The following MMS22L variants were observed in gnomAD, a reference collection of about 807,000 sequenced individuals.
MMS22L encodes protein MMS22-like.
Under a neutral mutation model 159.1 loss-of-function variants are expected in MMS22L, and 74 were observed. That is an observed-to-expected ratio of 0.47 (90% CI 0.39 to 0.56). MMS22L has a LOEUF of 0.56. Among genes scored for constraint, MMS22L ranks in the 20% least tolerant of loss-of-function variants. The pLI, the probability that MMS22L is intolerant of heterozygous loss-of-function variation, is 0.00. For synonymous variants in MMS22L, 517 were observed against 506.9 expected (o/e 1.02, Z -0.27); for missense variants, 1,351 against 1,422.1 (o/e 0.95, Z 0.80).
intron 11 of MMS22L, among the ~76,000 whole-genome samples, chr6:97,235,037 G>GTAA (rs1221727621): frequency 1.3e-5 from 2 of 152,180 alleles, no homozygotes; most frequent in Non-Finnish European, 2.9e-5. Flanking sequence ...CTGGAAAAGA[G>GTAA]TAAGCACAGA....
At chr6:97,169,123 A>C (rs1803267568) in intron 19 of MMS22L, among the ~76,000 whole-genome samples, 1 of 152,042 alleles carries the variant, frequency 6.6e-6, no homozygotes, top group Non-Finnish European at 1.5e-5. Flanking sequence ...CAGTTTTTAC[A>C]CCTTTCCATT....
Position 97,178,562 on chromosome 6 carries a change from C to A in MMS22L, c.2560G>T (p.Val854Phe). The change falls in exon 18 of 25, where the codon GTC becomes TTC. Residue 854 changes from valine to phenylalanine, a missense_variant. Transcript: ENST00000683635. ...AVEKEYMKQL[V>F]KLTRLLFNLS... ...TTAAATAGTAATCTTGTCAGTTTGA[C>A]CAACTGTTTCATGTACTCTTTTTCT... 1.3e-6 allele frequency: 2 copies of A among 1,542,370 alleles called. No individual in the cohort carries two copies. The highest frequency in any genetic ancestry group is 1.2e-5 in the South Asian group (1 of 83,272).
intron 22 of MMS22L, among the ~76,000 whole-genome samples, chr6:97,155,412 CA>C (rs765489093): frequency 1.8e-4 from 28 of 152,250 alleles, no homozygotes; most frequent in South Asian, 1.0e-3. Context: ...TTGCTGCACC[CA>C]TTAACTTGTC....
chr6:97,227,857 T>C (rs1017989576), intron 14 of MMS22L, among the ~76,000 whole-genome samples: 2 of 152,214 alleles, frequency 1.3e-5, no homozygotes, highest in Non-Finnish European at 2.9e-5. Flanking sequence ...GAAAAGTGCC[T>C]AAAGGCAATA....
chr6:97,150,808 T>C (rs1388685289), intron 23 of MMS22L, among the ~76,000 whole-genome samples: 2 of 152,040 alleles, frequency 1.3e-5, no homozygotes, highest in African/African-American at 4.8e-5. Flanking sequence ...CTCATGGTAG[T>C]GGTAAGGCAG....
chr6:97,272,540 C>A, intron 6 of MMS22L, 164 bp downstream of exon 6: 2 of 589,846 alleles, frequency 3.4e-6, no homozygotes, highest in Non-Finnish European at 2.9e-6. Context: ...TGTCATTTGC[C>A]CAAAAGCACA....
At chr6:97,216,231 A>G (rs1405076122) in intron 14 of MMS22L, among the ~76,000 whole-genome samples, 1 of 152,194 alleles carries the variant, frequency 6.6e-6, no homozygotes, top group East Asian at 1.9e-4. Context: ...AGATGGTGAG[A>G]ATAGCTAGAA....
intron 19 of MMS22L, among the ~76,000 whole-genome samples, chr6:97,172,547 C>T (rs1803654114): frequency 6.6e-6 from 1 of 152,112 alleles, no homozygotes; most frequent in Admixed American, 6.5e-5. Context: ...GAAAGATAAA[C>T]TCCATTGTTA....
Position 97,246,708 on chromosome 6 carries a change from A to AGTG in MMS22L, c.1120-21_1120-19dup, listed in dbSNP as rs2128041403. 2 of 1,584,116 alleles carry AGTG rather than the reference A, an allele frequency of 1.3e-6. No homozygotes were observed. The highest frequency in any genetic ancestry group is 1.7e-6 in the Non-Finnish European group (2 of 1,156,280). Reference sequence around the variant, plus strand: ...ACTTTTCTCTAGAAAGGGAGAAAATAGTGCATCAAAATTATTGCTCTTGAT... The same window carrying AGTG: ...ACTTTTCTCTAGAAAGGGAGAAAATAGTGGTGCATCAAAATTATTGCTCTTGAT... On this transcript the variant is annotated intron_variant, in intron 10 of 24. Transcript: ENST00000683635.
intron 14 of MMS22L, among the ~76,000 whole-genome samples, chr6:97,192,405 C>G (rs949816381): frequency 1.3e-5 from 2 of 152,116 alleles, no homozygotes; most frequent in African/African-American, 4.8e-5. Context: ...CTCTGGAAAA[C>G]TACTAAGCCT....
intron 17 of MMS22L, 34 bp downstream of exon 17, chr6:97,179,374 C>T (rs767080902): frequency 1.3e-6 from 2 of 1,589,458 alleles, no homozygotes; most frequent in East Asian, 4.5e-5. Context: ...CCATAGATAC[C>T]CCCATCCTCC....
At chr6:97,249,835 G>A (rs1223925099) in intron 10 of MMS22L, among the ~76,000 whole-genome samples, 3 of 151,300 alleles carry the variant, frequency 2.0e-5, no homozygotes, top group Non-Finnish European at 2.9e-5. Flanking sequence ...AAGTGAGAAG[G>A]GCCATGACAG....
chr6:97,165,445 C>T lies in MMS22L; in HGVS notation c.3022G>A (p.Val1008Met), dbSNP rs138542381. ...TTCGGATTTTGAGATTGACAACACA[C>T]GATACACATGCCCTACAAGGAAAAA... Reference protein sequence around the residue: ...LPLYLQGMCIVCCQSQNPNAY... With the variant: ...LPLYLQGMCIMCCQSQNPNAY... The change falls in exon 21 of 25, where the codon GTG becomes ATG. Residue 1008 changes from valine to methionine, a missense_variant. Coordinates refer to ENST00000683635, the MANE Select transcript of MMS22L (RefSeq NM_001350599.2). The T allele has an allele frequency of 1.7e-4, 279 of 1,611,972 alleles. No homozygotes were observed. The highest frequency in any genetic ancestry group is 2.2e-4 in the Non-Finnish European group (257 of 1,179,212).
rs76637269 is a variant in MMS22L at position 97,267,767 on chromosome 6, G to C, written c.828+105C>G. 1.4e-3 allele frequency: 1,403 copies of C among 1,022,854 alleles called. 19 individuals carry two copies. The African/African-American group carries it at 0.021, about 15-fold the overall frequency. The allele number at this position is 1,022,854 out of a possible 1,614,324, so 63.4% of individuals were successfully genotyped here. A position where few individuals can be genotyped will look rare whatever the true frequency, so the allele number is the denominator to read the frequency against. On this transcript the variant is annotated intron_variant, in intron 8 of 24. Transcript: ENST00000683635. ...ATAATAGCAACTAAATATAAAATTA[G>C]AACATATAAAGCATTTTAGTTTAAA...
At position 97,232,748 on chromosome 6, in the gene MMS22L, G is replaced by T. The variant is rs548072658; in HGVS notation, c.1303-1096C>A. ...GCCTAAAATTATGCTTCAGAGAAGGGCATTTTTCTAATTTTTTAATAAGCT... is the reference window on the plus strand; with the variant it reads ...GCCTAAAATTATGCTTCAGAGAAGGTCATTTTTCTAATTTTTTAATAAGCT... On this transcript the variant is annotated intron_variant, in intron 12 of 24. Coordinates refer to ENST00000683635, the MANE Select transcript of MMS22L (RefSeq NM_001350599.2). Among the ~76,000 whole-genome samples the T allele has an allele frequency of 4.4e-4, 67 of 152,068 alleles. 2 individuals carry two copies. The highest frequency in any genetic ancestry group is 1.0e-4 in the Non-Finnish European group (7 of 67,928).
intron 10 of MMS22L, among the ~76,000 whole-genome samples, chr6:97,252,975 C>T (rs1025462433): frequency 1.3e-4 from 20 of 152,002 alleles, no homozygotes; most frequent in Admixed American, 3.9e-4. Context: ...ATGGCAATTG[C>T]TAAAATTTAT....
intron 10 of MMS22L, chr6:97,253,395 T>C (rs1562509238): frequency 1.3e-5 from 2 of 152,102 alleles, no homozygotes; most frequent in South Asian, 4.1e-4. Context: ...CCAAGGAACT[T>C]TTTAAAAATC....
In MMS22L at chr6:97,272,804, A is replaced by G. The variant is rs1428724303; in HGVS notation, c.506T>C (p.Val169Ala). Residue 169 changes from valine (V) to alanine (A), a missense_variant, in exon 6 of 25, where the codon GTG becomes GCG. Val to Ala is a moderately conservative substitution (Grantham distance 64, BLOSUM62 0). Transcript: ENST00000683635. Reference protein sequence around the residue: ...YEALEAQLPSVLIDELHGLLL... With the variant: ...YEALEAQLPSALIDELHGLLL... ...TAATCCATGAAGCTCATCAATCAACACTGAGGGAAGCTGAGCCTCCAAAGC... is the reference window on the plus strand; with the variant it reads ...TAATCCATGAAGCTCATCAATCAACGCTGAGGGAAGCTGAGCCTCCAAAGC... 1 of 1,614,052 alleles carries G rather than the reference A, an allele frequency of 6.2e-7. No homozygotes were observed. The highest frequency in any genetic ancestry group is 1.1e-5 in the South Asian group (1 of 91,082).
intron 14 of MMS22L, among the ~76,000 whole-genome samples, chr6:97,212,302 G>C (rs1387116038): frequency 6.6e-6 from 1 of 152,098 alleles, no homozygotes; most frequent in Non-Finnish European, 1.5e-5. Flanking sequence ...TAATACAGCA[G>C]AATTTTCTCC....
Sources: gnomAD v4.1 joint callset for allele counts (sites outside exome capture counted in the v4.1 genomes callset) on GRCh38, gnomAD v4.1.1 for gene constraint, MANE v1.5 for transcripts, NCBI Gene and HGNC (gene_info 2026-07-23, HGNC 2026-07-21) for gene names.